The following GAPVD1 variants were observed in gnomAD, a reference collection of about 807,000 sequenced individuals.
GAPVD1 encodes the protein GTPase activating protein and VPS9 domains 1, also known as GTPase-activating protein and VPS9 domain-containing protein 1.
In GAPVD1, 35 loss-of-function variants were observed where a neutral mutation model predicts 155.5. The observed-to-expected ratio is 0.23, with a 90% CI of 0.17 to 0.30. GAPVD1 has a LOEUF of 0.30. Among genes scored for constraint, GAPVD1 ranks in the 10% least tolerant of loss-of-function variants. GAPVD1 has a pLI of 1.00. For missense variants in GAPVD1, 1,429 were observed against 1,775.7 expected (o/e 0.80, Z 3.51); for synonymous variants, 636 against 619.7 (o/e 1.03, Z -0.39).
chr9:125,288,656 C>T (rs540216870), intron 2 of GAPVD1, among the ~76,000 whole-genome samples: 4 of 152,078 alleles, frequency 2.6e-5, no homozygotes, highest in African/African-American at 7.2e-5. Flanking sequence ...GGATTACAAG[C>T]GTGAGCCACC....
At chr9:125,307,379 G>A (rs1296892521) in intron 6 of GAPVD1, 34 bp from the exon 7 acceptor site, 2 of 1,498,548 alleles carry the variant, frequency 1.3e-6, no homozygotes, top group East Asian at 4.7e-5. Context: ...ATTTTAAAGG[G>A]AAATGTTTCA....
intron 25 of GAPVD1, among the ~76,000 whole-genome samples, chr9:125,358,333 T>A (rs188966138): frequency 3.9e-5 from 6 of 152,298 alleles, no homozygotes; most frequent in Non-Finnish European, 8.8e-5. Flanking sequence ...CTCGAACTCC[T>A]GACCTCAAGT....
chr9:125,283,790 AC>A (rs1837189004), intron 2 of GAPVD1, among the ~76,000 whole-genome samples: 1 of 152,166 alleles, frequency 6.6e-6, no homozygotes, highest in South Asian at 2.1e-4. Context: ...TTTTTTTCCT[AC>A]CTTAGAGACC....
chr9:125,266,757 T>A (rs1377347648), intron 1 of GAPVD1, among the ~76,000 whole-genome samples: 1 of 151,998 alleles, frequency 6.6e-6, no homozygotes, highest in Non-Finnish European at 1.5e-5. Flanking sequence ...TCGTTTTGTT[T>A]TTTTCTTTTT....
intron 2 of GAPVD1, among the ~76,000 whole-genome samples, chr9:125,291,211 C>T (rs1467518053): frequency 6.6e-6 from 1 of 152,006 alleles, no homozygotes; most frequent in Non-Finnish European, 1.5e-5. Context: ...ATTGCTTGAG[C>T]CTGGGAGGTT....
rs192758769 is a variant in GAPVD1 at position 125,325,395 on chromosome 9, G to A, written c.1859-1021G>A. Among the ~76,000 whole-genome samples, 8 of 150,226 alleles carry A rather than the reference G, an allele frequency of 5.3e-5. No homozygotes were observed. The East Asian group carries it at 5.9e-4, about 11-fold the overall frequency. On this transcript the variant is annotated intron_variant, in intron 11 of 27. Transcript: ENST00000297933. ...AAATTAGCTGGGCATGGTGGCAGGC[G>A]CTTGTAGTCCCAGCTACTCGGGAGG... is the stretch of plus-strand genomic sequence containing the variant.
At chr9:125,289,073 G>A (rs1838180284) in intron 2 of GAPVD1, among the ~76,000 whole-genome samples, 1 of 152,116 alleles carries the variant, frequency 6.6e-6, no homozygotes, top group South Asian at 2.1e-4. Flanking sequence ...GAGGGAGAGA[G>A]TAATAGAGTG....
intron 19 of GAPVD1, chr9:125,346,041 C>T (rs1206207805): frequency 6.6e-6 from 1 of 152,202 alleles, no homozygotes; most frequent in Non-Finnish European, 1.5e-5. Context: ...AGATCTATAG[C>T]AATCCCTTGC....
chr9:125,325,577 G>A (rs919098576), intron 11 of GAPVD1, among the ~76,000 whole-genome samples: 6 of 148,422 alleles, frequency 4.0e-5, no homozygotes, highest in Non-Finnish European at 6.0e-5. Context: ...AGTGATTTTA[G>A]CATGCATAAG....
chr9:125,349,761 G>A (rs183732750), intron 21 of GAPVD1, among the ~76,000 whole-genome samples: 2 of 152,168 alleles, frequency 1.3e-5, no homozygotes, highest in African/African-American at 4.8e-5. Flanking sequence ...CACTTTAGGA[G>A]GCCAAGACAG....
chr9:125,349,142 G>A (rs1462257130), intron 20 of GAPVD1, among the ~76,000 whole-genome samples: 1 of 152,166 alleles, frequency 6.6e-6, no homozygotes, highest in Non-Finnish European at 1.5e-5. Context: ...TTAGTTCATT[G>A]TTTTGCATTA....
In GAPVD1 at chr9:125,360,829, A is replaced by C. The variant is rs189633507; in HGVS notation, c.4242+104A>C. 6.8e-4 allele frequency: 551 copies of C among 811,670 alleles called. 1 individual carries two copies. Among genetic ancestry groups the C allele is most frequent in the Non-Finnish European group, 9.5e-4 (462 of 487,634 alleles). 50.3% of individuals were successfully genotyped at this position (811,670 alleles called of 1,614,324 possible). A position where few individuals can be genotyped will look rare whatever the true frequency, so the allele number is the denominator to read the frequency against. On this transcript the variant is annotated intron_variant, in intron 27 of 27. Transcript: ENST00000297933. ...TATCTTGGCTCTTTTCCAAGTCACA[A>C]GCTCTGGGTTACTCAGAAAGAAAGT...
At chr9:125,341,078 C>T (rs1847787256) in intron 17 of GAPVD1, 99 bp from the exon 18 acceptor site, 1 of 751,274 alleles carries the variant, frequency 1.3e-6, no homozygotes, top group Non-Finnish European at 2.4e-6. Flanking sequence ...GAATGAGATC[C>T]TATCTCAAAA....
chr9:125,277,965 A>C (rs971547208), intron 2 of GAPVD1, among the ~76,000 whole-genome samples: 1 of 152,016 alleles, frequency 6.6e-6, no homozygotes. Flanking sequence ...ACTGTACCTG[A>C]ACTTGTCAAT....
chr9:125,282,010 G>A (rs563900829), intron 2 of GAPVD1, among the ~76,000 whole-genome samples: 40 of 152,236 alleles, frequency 2.6e-4, no homozygotes, highest in African/African-American at 8.9e-4. Flanking sequence ...TTTAATTTTA[G>A]TGGCTCATGC....
chr9:125,270,675 G>A (rs1362019927), intron 2 of GAPVD1, among the ~76,000 whole-genome samples: 1 of 152,088 alleles, frequency 6.6e-6, no homozygotes, highest in Non-Finnish European at 1.5e-5. Context: ...CGGGCGCAGT[G>A]GCTCACGCCT....
intron 16 of GAPVD1, 46 bp downstream of exon 16, chr9:125,337,141 G>A (rs1847151885): frequency 6.3e-7 from 1 of 1,598,658 alleles, no homozygotes. Flanking sequence ...CAGACAGGAG[G>A]AGGAAACCAA....
chr9:125,279,711 A>G (rs1305865279), intron 2 of GAPVD1, among the ~76,000 whole-genome samples: 1 of 151,772 alleles, frequency 6.6e-6, no homozygotes, highest in Non-Finnish European at 1.5e-5. Context: ...TTCAGATAAC[A>G]TCATGGTTTT....
intron 26 of GAPVD1, 56 bp from the exon 27 acceptor site, chr9:125,360,472 C>A: frequency 7.0e-7 from 1 of 1,418,934 alleles, no homozygotes; most frequent in South Asian, 1.2e-5. Flanking sequence ...GCAGTAGTCA[C>A]TGCGCAGGGT....
Sources: gnomAD v4.1 joint callset for allele counts (sites outside exome capture counted in the v4.1 genomes callset) on GRCh38, gnomAD v4.1.1 for gene constraint, MANE v1.5 for transcripts, NCBI Gene and HGNC (gene_info 2026-07-23, HGNC 2026-07-21) for gene names.